Variants in STK31 observed in about 807,000 individuals in gnomAD.
STK31 encodes serine/threonine-protein kinase 31.
In STK31, 89 loss-of-function variants were observed where a neutral mutation model predicts 129.7. That is an observed-to-expected ratio of 0.69 (90% CI 0.58 to 0.82). The LOEUF is 0.82. Ranked by LOEUF, STK31 falls within the 40% of genes least tolerant of loss-of-function variation. The pLI, the probability that STK31 is intolerant of heterozygous loss-of-function variation, is 0.00. For synonymous variants in STK31, 448 were observed against 395.3 expected (o/e 1.13, Z -1.58); for missense variants, 1,187 against 1,176.4 (o/e 1.01, Z -0.13).
At chr7:23,824,958 A>G (rs1794036142) in intron 23 of STK31, among the ~76,000 whole-genome samples, 1 of 152,116 alleles carries the variant, frequency 6.6e-6, no homozygotes, top group Admixed American at 6.5e-5. Flanking sequence ...CCACTTGATC[A>G]TGGTGGGTAA....
chr7:23,759,029 TAAAA>T (rs1175539894), intron 10 of STK31, among the ~76,000 whole-genome samples: 3 of 151,886 alleles, frequency 2.0e-5, no homozygotes, highest in African/African-American at 7.3e-5. Flanking sequence ...TCAACAAAGA[TAAAA>T]AAAGACAAAG....
rs70956911 is a variant in STK31 at position 23,717,097 on chromosome 7, C to CTTTTTTT, written c.151-362_151-356dup. Among the ~76,000 whole-genome samples, 86 of 42,932 alleles carry CTTTTTTT rather than the reference C, an allele frequency of 2.0e-3. 10 individuals carry two copies. The highest frequency in any genetic ancestry group is 6.9e-3 in the African/African-American group (67 of 9,718). The allele number at this position is 42,932 out of a possible 152,430, so 28.2% of individuals were successfully genotyped here. A position where few individuals can be genotyped will look rare whatever the true frequency, so the allele number is the denominator to read the frequency against. On this transcript the variant is annotated intron_variant, in intron 3 of 23. Transcript: ENST00000355870. ...TACAGGTGTGAGCCATCGCAACCTG[C>CTTTTTTT]TTTTTTTTTTTTTTTTTTTTTTTTT...
rs776241725 is a variant in STK31 at position 23,781,453 on chromosome 7, TAAA to T, written c.2002_2004del (p.Lys668del). ...CCTGATGGCTCTCAAATTGAGAAAATAAAAGAAGAAATAACTCAGCTGCGCAAT... is the reference window on the plus strand; with the variant it reads ...CCTGATGGCTCTCAAATTGAGAAAATAGAAGAAATAACTCAGCTGCGCAAT... On this transcript the variant is annotated inframe_deletion, in exon 16 of 24. Transcript: ENST00000355870. 9 of 1,611,302 alleles carry T rather than the reference TAAA, an allele frequency of 5.6e-6. No individual in the cohort carries two copies. The highest frequency in any genetic ancestry group is 6.8e-6 in the Non-Finnish European group (8 of 1,179,078).
intron 10 of STK31, among the ~76,000 whole-genome samples, chr7:23,755,940 G>T (rs1163389827): frequency 2.0e-5 from 3 of 152,196 alleles, no homozygotes; most frequent in Non-Finnish European, 4.4e-5. Flanking sequence ...CATGCCTCCA[G>T]CATTGTTCCT....
At chr7:23,782,643 T>A (rs1236217553) in intron 16 of STK31, among the ~76,000 whole-genome samples, 1 of 152,174 alleles carries the variant, frequency 6.6e-6, no homozygotes, top group Non-Finnish European at 1.5e-5. Flanking sequence ...TGTTTAGAAG[T>A]TTTGCTTAAT....
chr7:23,800,308 A>G (rs953158835), intron 22 of STK31, among the ~76,000 whole-genome samples: 5 of 152,214 alleles, frequency 3.3e-5, no homozygotes, highest in Non-Finnish European at 2.9e-5. Flanking sequence ...ATTGTTCACA[A>G]TAGCAAAGAC....
intron 16 of STK31, among the ~76,000 whole-genome samples, chr7:23,783,095 G>C (rs1186871983): frequency 3.9e-5 from 6 of 152,290 alleles, no homozygotes; most frequent in Non-Finnish European, 8.8e-5. Context: ...ATGCTTTGTG[G>C]TCAGAACAAA....
intron 19 of STK31, 44 bp downstream of exon 19, chr7:23,786,677 G>A (rs1250798299): frequency 6.3e-6 from 10 of 1,587,222 alleles, no homozygotes; most frequent in Middle Eastern, 1.7e-4. Flanking sequence ...ATTTTATCTT[G>A]CAGAAACTAT....
intron 8 of STK31, among the ~76,000 whole-genome samples, chr7:23,749,592 G>T (rs1247220774): frequency 6.6e-6 from 1 of 151,144 alleles, no homozygotes; most frequent in African/African-American, 2.4e-5. Flanking sequence ...GGCTCAAGCA[G>T]TTGACCCACT....
intron 4 of STK31, chr7:23,721,228 C>A: frequency 2.6e-6 from 1 of 384,938 alleles, no homozygotes; most frequent in Non-Finnish European, 4.7e-6. Flanking sequence ...AGAAATAATT[C>A]TCTCTCTTAA....
At chr7:23,759,014 T>A (rs1331169891) in intron 10 of STK31, among the ~76,000 whole-genome samples, 1 of 152,066 alleles carries the variant, frequency 6.6e-6, no homozygotes, top group Non-Finnish European at 1.5e-5. Context: ...AAAACAGACT[T>A]TAAATCAACA....
chr7:23,735,824 G>T lies in STK31; in HGVS notation c.770G>T (p.Gly257Val), dbSNP rs1306336355. Residue 257 changes from glycine (G) to valine (V), a missense_variant, in exon 7 of 24, where the codon GGG becomes GTG. Physicochemically the swap from Gly to Val is moderately radical, Grantham distance 109 (BLOSUM62 -3). Around this residue, in one of 5 missense-constraint regions of STK31, gnomAD observed 975 missense variants for 934.9 expected, o/e 1.04. Transcript: ENST00000355870. ...CAGTCAACCTTCAGCAGGCCCAAGG[G>T]GCACTTAAGTGAGAAAATGACTCTT... ...SNQSTFSRPKGHLSEKMTLDL... is the reference protein window; with the variant it reads ...SNQSTFSRPKVHLSEKMTLDL... The T allele has an allele frequency of 6.2e-7, 1 of 1,611,962 alleles. No homozygotes were observed. Among genetic ancestry groups the T allele is most frequent in the African/African-American group, 1.3e-5 (1 of 74,866 alleles).
chr7:23,761,459 C>T (rs1342067564), intron 10 of STK31, among the ~76,000 whole-genome samples: 5 of 148,774 alleles, frequency 3.4e-5, no homozygotes, highest in East Asian at 3.9e-4. Flanking sequence ...CTCGCTCTGT[C>T]GCCCAGGCCG....
chr7:23,830,171 G>A (rs552990224), intron 23 of STK31, among the ~76,000 whole-genome samples: 1 of 152,094 alleles, frequency 6.6e-6, no homozygotes, highest in African/African-American at 2.4e-5. Flanking sequence ...TTTCATTTCT[G>A]ATTGTGTTTA....
intron 11 of STK31, among the ~76,000 whole-genome samples, chr7:23,766,603 T>C (rs1789847515): frequency 6.6e-6 from 1 of 152,184 alleles, no homozygotes; most frequent in Admixed American, 6.6e-5. Flanking sequence ...TTCTGTGATC[T>C]TTTTTCCCTC....
intron 20 of STK31, 143 bp downstream of exon 20, chr7:23,787,067 A>C: frequency 1.3e-6 from 1 of 747,454 alleles, no homozygotes. Flanking sequence ...CCTGTGATAG[A>C]AGTTATCGTG....
At chr7:23,761,956 TTTTATAGTTTTA>T (rs1191307411) in intron 10 of STK31, among the ~76,000 whole-genome samples, 3 of 151,286 alleles carry the variant, frequency 2.0e-5, no homozygotes, top group African/African-American at 7.3e-5. Context: ...TTATAATACA[TTTTATAGTTTTA>T]TTTATAGTTT....
intron 4 of STK31, among the ~76,000 whole-genome samples, chr7:23,723,768 A>G (rs891332669): frequency 6.6e-6 from 1 of 152,184 alleles, no homozygotes; most frequent in Non-Finnish European, 1.5e-5. Flanking sequence ...AGATAAGTCT[A>G]TCTGGGATAG....
chr7:23,796,875 T>C (rs1418371897), intron 22 of STK31, among the ~76,000 whole-genome samples: 1 of 151,894 alleles, frequency 6.6e-6, no homozygotes, highest in Non-Finnish European at 1.5e-5. Flanking sequence ...TCATCTCACA[T>C]ACAAAGACAC....
Sources: allele counts gnomAD v4.1 joint callset (sites outside exome capture counted in the v4.1 genomes callset), GRCh38; gene constraint gnomAD v4.1.1; regional missense constraint gnomAD v4.1.1; transcripts MANE v1.5; gene names NCBI Gene and HGNC (gene_info 2026-07-23, HGNC 2026-07-21).